Variants in DHX16 observed in about 807,000 individuals in gnomAD.
DHX16 encodes the protein DEAH-box helicase 16, also known as pre-mRNA-splicing factor ATP-dependent RNA helicase DHX16.
Under a neutral mutation model 131.2 loss-of-function variants are expected in DHX16, and 81 were observed. That is an observed-to-expected ratio of 0.62 (90% CI 0.52 to 0.74). The LOEUF (loss-of-function observed/expected upper bound fraction) is 0.74. Ranked by LOEUF, DHX16 falls within the 30% of genes least tolerant of loss-of-function variation. The pLI is 0.00. For missense variants in DHX16, 980 were observed against 1,363.1 expected, an observed-to-expected ratio of 0.72 and a Z score of 4.43; for synonymous variants, 440 against 520.2, an observed-to-expected ratio of 0.85 and a Z score of 2.10.
At position 30,656,148 on chromosome 6, in the gene DHX16, A is replaced by C. The variant is rs1170838688; in HGVS notation, c.2498+50T>G. ...ACAAAGGGGACCCTGGAGACAGAGG[A>C]GGCCTGGCCTGTTTGTGTGCTGGGG... On this transcript the variant is annotated intron_variant, in intron 16 of 19. Transcript: ENST00000376442. The surrounding 1 kb of genome is among the most constrained non-coding windows in gnomAD (Gnocchi z 5.1). 1.3e-6 allele frequency: 2 copies of C among 1,558,312 alleles called. No homozygotes were observed. Among genetic ancestry groups the C allele is most frequent in the Non-Finnish European group, 1.8e-6 (2 of 1,133,926 alleles).
Position 30,659,795 on chromosome 6 carries a change from C to T in DHX16, c.1795G>A (p.Val599Met), listed in dbSNP as rs1380779628. 6.2e-7 allele frequency: 1 copy of T among 1,614,230 alleles called. No homozygotes were observed. The highest frequency in any genetic ancestry group is 1.1e-5 in the South Asian group (1 of 91,090). Reference sequence around the variant, plus strand: ...GGCTGGGTCACATGGATCTGCAACACAGATACTACACAAGCTTCCAAGTAG... The same window carrying T: ...GGCTGGGTCACATGGATCTGCAACATAGATACTACACAAGCTTCCAAGTAG... ...ADYLEACVVS[V>M]LQIHVTQPPG... is the part of the protein sequence containing the mutation. Residue 599 changes from valine to methionine, a missense_variant, in exon 11 of 20, where the codon GTG (valine) becomes ATG (methionine). Val to Met is a conservative substitution (Grantham distance 21, BLOSUM62 1). Around this residue, in one of 3 missense-constraint regions of DHX16, gnomAD observed 309 missense variants for 537.1 expected, o/e 0.58. Coordinates refer to ENST00000376442, the MANE Select transcript of DHX16 (RefSeq NM_003587.5).
intron 19 of DHX16, 91 bp downstream of exon 19, chr6:30,654,615 T>G: frequency 7.8e-7 from 1 of 1,290,120 alleles, no homozygotes; most frequent in East Asian, 2.4e-5. Flanking sequence ...TCTGTACCAG[T>G]CCCAGCAACT....
chr6:30,656,567 C>A lies in DHX16; in HGVS notation c.2311+30G>T. 6.2e-7 allele frequency: 1 copy of A among 1,614,048 alleles called. No homozygotes were observed. Among genetic ancestry groups the A allele is most frequent in the Non-Finnish European group, 8.5e-7 (1 of 1,179,970 alleles). On this transcript the variant is annotated intron_variant, in intron 14 of 19. Coordinates refer to ENST00000376442, the MANE Select transcript of DHX16 (RefSeq NM_003587.5). The surrounding 1 kb of genome is among the most constrained non-coding windows in gnomAD (Gnocchi z 5.1). ...CCTTCAAAGGACAGTGACTCCAGCCCCTCCCTCCTCTCTCAGGTAGCCCAA... is the reference window on the plus strand; with the variant it reads ...CCTTCAAAGGACAGTGACTCCAGCCACTCCCTCCTCTCTCAGGTAGCCCAA...
chr6:30,665,600 C>T lies in DHX16; in HGVS notation c.800G>A (p.Arg267Gln), dbSNP rs139415113. 7.4e-5 allele frequency: 120 copies of T among 1,612,856 alleles called. No individual in the cohort carries two copies. Among genetic ancestry groups the T allele is most frequent in the Non-Finnish European group, 8.4e-5 (99 of 1,180,046 alleles). The change falls in exon 5 of 20, where the codon CGG becomes CAG. Residue 267 changes from arginine to glutamine, a missense_variant. Arg to Gln is a conservative substitution (Grantham distance 43). Coordinates refer to ENST00000376442, the MANE Select transcript of DHX16 (RefSeq NM_003587.5). This position sits in a 1 kb window ranked among gnomAD's most constrained non-coding sequence, Gnocchi z 4.8. ...TCGCCGCTTATATTTGAGCTCCTGC[C>T]GCTCGTGCCGGCTCAGCTCCACGTC... The part of the protein sequence containing the change: ...FGDVELSRHE[R>Q]QELKYKRRVR...
At chr6:30,659,867 G>A (rs199709059) in intron 10 of DHX16, 33 bp from the exon 11 acceptor site, 2 of 1,604,386 alleles carry the variant, frequency 1.2e-6, no homozygotes, top group East Asian at 2.2e-5. Flanking sequence ...GTCACAGGAG[G>A]GCCACCTGCT....
At position 30,659,641 on chromosome 6, in the gene DHX16, G is replaced by A. The variant is rs776563812; in HGVS notation, c.1855-17C>T. 2 of 1,614,004 alleles carry A rather than the reference G, an allele frequency of 1.2e-6. No individual in the cohort carries two copies. Among genetic ancestry groups the A allele is most frequent in the East Asian group, 4.5e-5 (2 of 44,878 alleles). Reference sequence around the variant, plus strand: ...AATCTCCTCCTGGATAGAGGGTAGGGAGAGCAGCAGGGGTCCCAGAGTCAC... The same window carrying A: ...AATCTCCTCCTGGATAGAGGGTAGGAAGAGCAGCAGGGGTCCCAGAGTCAC... On this transcript the variant is annotated splice_polypyrimidine_tract_variant and intron_variant, in intron 11 of 19. Transcript: ENST00000376442.
chr6:30,665,112 T>C lies in DHX16; in HGVS notation c.1084A>G (p.Thr362Ala). ...TGAGTGGCCCGGACAAACTCAATGGTCTCCTCCTCCTCCAGCACCAGTTGA... is the reference window on the plus strand; with the variant it reads ...TGAGTGGCCCGGACAAACTCAATGGCCTCCTCCTCCTCCAGCACCAGTTGA... ...KYQLVLEEEETIEFVRATQLQ... is the reference protein window; with the variant it reads ...KYQLVLEEEEAIEFVRATQLQ... The change falls in exon 6 of 20, where the codon ACC becomes GCC. Residue 362 changes from threonine (T) to alanine (A), a missense_variant. Physicochemically the swap from Thr to Ala is moderately conservative, Grantham distance 58. Around this residue, in one of 3 missense-constraint regions of DHX16, gnomAD observed 457 missense variants for 554.8 expected, o/e 0.82. Transcript: ENST00000376442. The surrounding 1 kb of genome is among the most constrained non-coding windows in gnomAD (Gnocchi z 4.8). 1 of 1,613,726 alleles carries C rather than the reference T, an allele frequency of 6.2e-7. No homozygotes were observed. The highest frequency in any genetic ancestry group is 8.5e-7 in the Non-Finnish European group (1 of 1,179,922).
rs140393872 is a variant in DHX16, at chr6:30,665,506, G to A, written c.894C>T (p.Tyr298=). The change falls in exon 5 of 20, where the codon TAC becomes TAT. Residue 298 remains tyrosine, a synonymous_variant. Coordinates refer to ENST00000376442, the MANE Select transcript of DHX16 (RefSeq NM_003587.5). The surrounding 1 kb of genome is among the most constrained non-coding windows in gnomAD (Gnocchi z 4.8). ...GTCCTCGGGTTTCCTTGGGCATGTG[G>A]TAGCGATTGGTGGCCTCCAGCTTCT... The part of the protein sequence containing the change: ...EQEKLEATNR[Y]HMPKETRGQP... 2.7e-5 allele frequency: 43 copies of A among 1,613,044 alleles called. No homozygotes were observed. The highest frequency in any genetic ancestry group is 3.4e-5 in the Non-Finnish European group (40 of 1,180,024).
In DHX16 at chr6:30,665,697, G is replaced by A. The variant is rs1374645585; in HGVS notation, c.703C>T (p.Leu235=). ...ELRKKSRREY[L]AKREREKLED... ...AGCTTCTCTCGCTCCCGCTTAGCCAGGTACTCTCGGCGAGATTTCTTCCGC... is the reference window on the plus strand; with the variant it reads ...AGCTTCTCTCGCTCCCGCTTAGCCAAGTACTCTCGGCGAGATTTCTTCCGC... The change falls in exon 5 of 20, where the codon CTG becomes TTG. Residue 235 remains leucine (L), a synonymous_variant. Transcript: ENST00000376442. This position sits in a 1 kb window ranked among gnomAD's most constrained non-coding sequence, Gnocchi z 4.8. The A allele has an allele frequency of 6.2e-7, 1 of 1,611,614 alleles. No homozygotes were observed. Among genetic ancestry groups the A allele is most frequent in the African/African-American group, 1.3e-5 (1 of 75,054 alleles).
At chr6:30,659,867 G>T in intron 10 of DHX16, 33 bp from the exon 11 acceptor site, 1 of 1,604,384 alleles carries the variant, frequency 6.2e-7, no homozygotes. Context: ...GTCACAGGAG[G>T]GCCACCTGCT....
Position 30,671,042 on chromosome 6 carries a change from T to G in DHX16, c.440A>C (p.Lys147Thr), listed in dbSNP as rs772919242. Reference protein sequence around the residue: ...EEEASEKGKKKTGGSKQQTEK... With the variant: ...EEEASEKGKKTTGGSKQQTEK... ...CACCCTGCTTCTGACTTACCCTGTT[T>G]TCTTCTTCCCTTTCTCAGAAGCCTC... is the stretch of plus-strand genomic sequence containing the variant. Residue 147 changes from lysine (K) to threonine (T), a missense_variant, in exon 2 of 20, where the codon AAA becomes ACA. Around this residue, in one of 3 missense-constraint regions of DHX16, gnomAD observed 457 missense variants for 554.8 expected, o/e 0.82. Coordinates refer to ENST00000376442, the MANE Select transcript of DHX16 (RefSeq NM_003587.5). The G allele has an allele frequency of 1.8e-5, 29 of 1,612,918 alleles. No individual in the cohort carries two copies. Among genetic ancestry groups the G allele is most frequent in the Non-Finnish European group, 2.5e-5 (29 of 1,180,020 alleles).
chr6:30,659,036 G>A (rs1021981467), intron 12 of DHX16, among the ~76,000 whole-genome samples: 14 of 152,172 alleles, frequency 9.2e-5, no homozygotes, highest in African/African-American at 2.4e-4. Flanking sequence ...ATAGGCGCAC[G>A]CCACCATGCC....
chr6:30,659,652 G>A lies in DHX16; in HGVS notation c.1855-28C>T, dbSNP rs112861682. 2.4e-4 allele frequency: 382 copies of A among 1,613,664 alleles called. 3 individuals are homozygous for A. In the Middle Eastern group the frequency reaches 3.5e-3, roughly 15 times the overall value. ...GGATAGAGGGTAGGGAGAGCAGCAGGGGTCCCAGAGTCACAGAAGGCCAAC... is the reference window on the plus strand; with the variant it reads ...GGATAGAGGGTAGGGAGAGCAGCAGAGGTCCCAGAGTCACAGAAGGCCAAC... On this transcript the variant is annotated intron_variant, in intron 11 of 19. Coordinates refer to ENST00000376442, the MANE Select transcript of DHX16 (RefSeq NM_003587.5).
chr6:30,657,910 A>G (rs1331204512), intron 12 of DHX16, among the ~76,000 whole-genome samples: 1 of 152,196 alleles, frequency 6.6e-6, no homozygotes, highest in African/African-American at 2.4e-5. Flanking sequence ...AGCACTGGCC[A>G]CAAATTGACA....
Position 30,665,467 on chromosome 6 carries a change from G to GC in DHX16, c.921+11dup, listed in dbSNP as rs1345728674. The stretch of plus-strand genomic sequence containing the variant: ...GGGGACCAAGGCTGAAGCAGACGCC[G>GC]CTTCACCTCACCTGTCCTCGGGTTT... On this transcript the variant is annotated intron_variant, in intron 5 of 19. Transcript: ENST00000376442. This position sits in a 1 kb window ranked among gnomAD's most constrained non-coding sequence, Gnocchi z 4.8. 6.2e-7 allele frequency: 1 copy of GC among 1,609,228 alleles called. No homozygotes were observed. Among genetic ancestry groups the GC allele is most frequent in the Non-Finnish European group, 8.5e-7 (1 of 1,177,314 alleles).
At position 30,656,159 on chromosome 6, in the gene DHX16, G is replaced by A. The variant is rs762560382; in HGVS notation, c.2498+39C>T. 1 of 1,602,768 alleles carries A rather than the reference G, an allele frequency of 6.2e-7. No homozygotes were observed. The highest frequency in any genetic ancestry group is 8.5e-7 in the Non-Finnish European group (1 of 1,172,928). On this transcript the variant is annotated intron_variant, in intron 16 of 19. Transcript: ENST00000376442. This position sits in a 1 kb window ranked among gnomAD's most constrained non-coding sequence, Gnocchi z 5.1. ...CCTGGAGACAGAGGAGGCCTGGCCT[G>A]TTTGTGTGCTGGGGGCCCAGGTGGA...
At position 30,672,630 on chromosome 6, in the gene DHX16, G is replaced by GAC. The variant is rs772945562; in HGVS notation, c.207+3_207+4dup. On this transcript the variant is annotated splice_donor_region_variant and intron_variant, in intron 1 of 19. Transcript: ENST00000376442. ...CACAGGGCCCCTCCCCACCCCTGCC[G>GAC]ACACCTTGTTCCAGAGTCTCAGGGC... 44 of 1,605,552 alleles carry GAC rather than the reference G, an allele frequency of 2.7e-5. No individual in the cohort carries two copies. The highest frequency in any genetic ancestry group is 3.7e-5 in the Non-Finnish European group (43 of 1,173,926).
intron 7 of DHX16, 80 bp from the exon 8 acceptor site, chr6:30,663,101 G>T: frequency 2.5e-6 from 3 of 1,201,086 alleles, no homozygotes; most frequent in South Asian, 1.4e-5. Flanking sequence ...AGAGAAAGAA[G>T]TTGTAAAAAC....
At position 30,659,482 on chromosome 6, in the gene DHX16, C is replaced by G. The variant is rs1234914828; in HGVS notation, c.1997G>C (p.Gly666Ala). 2.5e-6 allele frequency: 4 copies of G among 1,594,162 alleles called. No homozygotes were observed. Among genetic ancestry groups the G allele is most frequent in the Admixed American group, 3.5e-5 (2 of 56,620 alleles). ...GTTTCTCCAACTGACCTTTCGTGCC[C>G]CAGGTGGTGTGGGCTGGAAGATACG... ...QARIFQPTPP[G>A]ARKVVVATNI... The change falls in exon 12 of 20, where the codon GGG becomes GCG. Residue 666 changes from glycine (G) to alanine (A), a missense_variant. By Grantham distance (60) the Gly-to-Ala change is moderately conservative. Coordinates refer to ENST00000376442, the MANE Select transcript of DHX16 (RefSeq NM_003587.5).
Sources: gnomAD v4.1 joint callset for allele counts (sites outside exome capture counted in the v4.1 genomes callset) on GRCh38, gnomAD v4.1.1 for gene constraint, gnomAD v4.1.1 regional missense constraint, Gnocchi (gnomAD v3.1) non-coding constraint, MANE v1.5 for transcripts, NCBI Gene and HGNC (gene_info 2026-07-23, HGNC 2026-07-21) for gene names.